STK4: variants seen among roughly 807,000 people sequenced by gnomAD.
STK4 encodes serine/threonine-protein kinase 4.
STK4 carries 30 observed loss-of-function variants against 64.9 expected under a neutral mutation model. The observed-to-expected ratio is 0.46, with a 90% CI of 0.35 to 0.63. The LOEUF (loss-of-function observed/expected upper bound fraction) is 0.63, where lower values mean the gene tolerates loss of function less well. Ranked by LOEUF, STK4 falls within the 20% of genes least tolerant of loss-of-function variation. The probability of loss-of-function intolerance (pLI) is 0.01; values close to 1 mark genes in which losing one functional copy is unlikely to be tolerated. For synonymous variants in STK4, 177 were observed against 199.0 expected (o/e 0.89, Z 0.93); for missense variants, 466 against 598.5 (o/e 0.78, Z 2.31).
intron 10 of STK4, among the ~76,000 whole-genome samples, chr20:45,058,115 T>C (rs971875848): frequency 1.3e-5 from 2 of 152,030 alleles, no homozygotes; most frequent in African/African-American, 4.8e-5. Flanking sequence ...ACCTATTTTA[T>C]GTTTTTGACA....
At chr20:44,971,661 A>C (rs2067247681) in intron 1 of STK4, among the ~76,000 whole-genome samples, 1 of 142,794 alleles carries the variant, frequency 7.0e-6, no homozygotes, top group Non-Finnish European at 1.5e-5. Flanking sequence ...TTTCAGCCAC[A>C]TGACTTTTTT....
chr20:44,973,517 A>G (rs577460961), intron 2 of STK4: 10 of 152,360 alleles, frequency 6.6e-5, no homozygotes, highest in African/African-American at 2.2e-4. Flanking sequence ...TCCCTAAGGC[A>G]GCAAGGCTGT....
chr20:44,988,533 G>GTGTGTATATATATATATA (rs1221720136), intron 5 of STK4, among the ~76,000 whole-genome samples: 7 of 101,574 alleles, frequency 6.9e-5, no homozygotes, highest in African/African-American at 2.4e-4. Context: ...ATGTGTGTGT[G>GTGTGTATATATATATATA]TATATATATA....
At chr20:45,036,006 A>G (rs1285148165) in intron 10 of STK4, among the ~76,000 whole-genome samples, 1 of 152,190 alleles carries the variant, frequency 6.6e-6, no homozygotes, top group Non-Finnish European at 1.5e-5. Flanking sequence ...GCTTAATAGG[A>G]AGAATAAGTT....
intron 9 of STK4, among the ~76,000 whole-genome samples, chr20:45,012,644 C>T (rs1054378448): frequency 6.6e-6 from 1 of 152,032 alleles, no homozygotes; most frequent in African/African-American, 2.4e-5. Context: ...CTTCTATAGA[C>T]AACTACTGTA....
rs1294057819 is a variant in STK4, at chr20:45,075,901, T to G, written c.*725T>G. 6.5e-6 allele frequency: 1 copy of G among 152,724 alleles called. No individual in the cohort carries two copies. The highest frequency in any genetic ancestry group is 1.9e-4 in the East Asian group (1 of 5,194). 9.5% of individuals were successfully genotyped at this position (152,724 alleles called of 1,614,324 possible). A position where few individuals can be genotyped will look rare whatever the true frequency, so the allele number is the denominator to read the frequency against. On this transcript the variant is annotated 3_prime_UTR_variant, in exon 11 of 11. Coordinates refer to ENST00000372806, the MANE Select transcript of STK4 (RefSeq NM_006282.5). Reference sequence around the variant, plus strand: ...GGCACCCTCTTTGCAAATTGGCCTTTGCTCTTTCAATGCCTTTCATCCATC... The same window carrying G: ...GGCACCCTCTTTGCAAATTGGCCTTGGCTCTTTCAATGCCTTTCATCCATC...
intron 7 of STK4, 38 bp downstream of exon 7, chr20:44,997,344 A>G: frequency 6.5e-7 from 1 of 1,547,604 alleles, no homozygotes; most frequent in Middle Eastern, 1.7e-4. Context: ...GCTCCATTTC[A>G]TTTACTTGCT....
chr20:45,050,700 G>C (rs142719770), intron 10 of STK4, among the ~76,000 whole-genome samples: 1 of 152,188 alleles, frequency 6.6e-6, no homozygotes, highest in African/African-American at 2.4e-5. Flanking sequence ...TATTCTGCTA[G>C]AATATCTTTT....
intron 10 of STK4, among the ~76,000 whole-genome samples, chr20:45,038,950 A>G (rs2068569817): frequency 6.6e-6 from 1 of 152,044 alleles, no homozygotes; most frequent in East Asian, 1.9e-4. Context: ...TCTGTTTTGC[A>G]TTCAGTCTGT....
rs143539025 is a variant in STK4, at chr20:44,997,652, G to A, written c.831+346G>A. Among the ~76,000 whole-genome samples the A allele has an allele frequency of 5.8e-4, 89 of 152,350 alleles. 4 individuals carry two copies. The East Asian group carries it at 0.016, about 27-fold the overall frequency. Reference sequence around the variant, plus strand: ...GTTGAGGCCGCAGTGAGGCATGATTGTGCTGCTACATTCCAGCCTGAGCAA... The same window carrying A: ...GTTGAGGCCGCAGTGAGGCATGATTATGCTGCTACATTCCAGCCTGAGCAA... On this transcript the variant is annotated intron_variant, in intron 7 of 10. Coordinates refer to ENST00000372806, the MANE Select transcript of STK4 (RefSeq NM_006282.5).
In STK4 at chr20:45,078,700, AATAG is replaced by A. The variant is rs1043643201; in HGVS notation, c.*3530_*3533del. 2.6e-5 allele frequency: 4 copies of A among 152,142 alleles called. No individual in the cohort carries two copies. The highest frequency in any genetic ancestry group is 7.2e-5 in the African/African-American group (3 of 41,428). 9.4% of individuals were successfully genotyped at this position (152,142 alleles called of 1,614,324 possible). ...GAGTGGATCGATGGATGTATTGATA[AATAG>A]ATAGAACCAGTCATCTGAAGCAACT... On this transcript the variant is annotated 3_prime_UTR_variant, in exon 11 of 11. Coordinates refer to ENST00000372806, the MANE Select transcript of STK4 (RefSeq NM_006282.5).
intron 1 of STK4, among the ~76,000 whole-genome samples, chr20:44,970,184 C>T (rs1202560385): frequency 6.6e-6 from 1 of 151,620 alleles, no homozygotes; most frequent in African/African-American, 2.4e-5. Context: ...ACATATGTAA[C>T]TAACCTGCAC....
chr20:44,993,807 T>C (rs1402551152), intron 5 of STK4, among the ~76,000 whole-genome samples: 2 of 152,194 alleles, frequency 1.3e-5, no homozygotes, highest in African/African-American at 4.8e-5. Context: ...GGCGAGACCT[T>C]GTCTCTACTA....
chr20:45,009,034 G>T (rs1394122469), intron 9 of STK4, among the ~76,000 whole-genome samples: 1 of 152,044 alleles, frequency 6.6e-6, no homozygotes, highest in African/African-American at 2.4e-5. Context: ...AAGCTCTTTA[G>T]TTTAATTAGG....
At chr20:45,073,611 CTG>C (rs906547462) in intron 10 of STK4, among the ~76,000 whole-genome samples, 17 of 152,210 alleles carry the variant, frequency 1.1e-4, no homozygotes, top group Non-Finnish European at 2.2e-4. Flanking sequence ...TCTTGAAACA[CTG>C]TACCTATTAA....
Position 45,076,041 on chromosome 20 carries a change from G to A in STK4, c.*865G>A, listed in dbSNP as rs1265971234. On this transcript the variant is annotated 3_prime_UTR_variant, in exon 11 of 11. Coordinates refer to ENST00000372806, the MANE Select transcript of STK4 (RefSeq NM_006282.5). The surrounding 1 kb of genome is among the most constrained non-coding windows in gnomAD (Gnocchi z 4.0). ...CACGGGACTGTGTTCAGTCCACAAA[G>A]GAAAAGCGTTTTTGAAGCTCTCATT... is the stretch of plus-strand genomic sequence containing the variant. The A allele has an allele frequency of 6.6e-6, 1 of 152,648 alleles. No homozygotes were observed. The highest frequency in any genetic ancestry group is 2.4e-5 in the African/African-American group (1 of 41,438). 9.5% of individuals were successfully genotyped at this position (152,648 alleles called of 1,614,324 possible). A position where few individuals can be genotyped will look rare whatever the true frequency, so the allele number is the denominator to read the frequency against.
In STK4 at chr20:45,070,351, G is replaced by A. The variant is rs1381541320; in HGVS notation, c.1306-4667G>A. ...GGCAGCCTGGACCAAGGTAGATGGA[G>A]ATGGAAAAAAGTGGTTGGGTTTGAG... On this transcript the variant is annotated intron_variant, in intron 10 of 10. Transcript: ENST00000372806. Among the ~76,000 whole-genome samples, 4 of 152,160 alleles carry A rather than the reference G, an allele frequency of 2.6e-5. No homozygotes were observed. In the East Asian group the frequency reaches 7.7e-4, roughly 29 times the overall value.
chr20:45,014,671 GCCACTTGCAGTAACATGTACTCAT>G (rs1369071352), intron 9 of STK4, among the ~76,000 whole-genome samples: 12 of 152,110 alleles, frequency 7.9e-5, no homozygotes, highest in Non-Finnish European at 1.8e-4. Flanking sequence ...CCAAAGGATG[GCCACTTGCAGTAACATGTACTCAT>G]CCACTAAAGA....
intron 10 of STK4, among the ~76,000 whole-genome samples, chr20:45,068,338 A>G (rs1407999774): frequency 2.6e-5 from 4 of 152,200 alleles, no homozygotes; most frequent in Admixed American, 6.5e-5. Flanking sequence ...GTAGCTGCCA[A>G]TAAAATTGAT....
Sources: allele counts gnomAD v4.1 joint callset (sites outside exome capture counted in the v4.1 genomes callset), GRCh38; gene constraint gnomAD v4.1.1; non-coding constraint Gnocchi (gnomAD v3.1); transcripts MANE v1.5; gene names NCBI Gene and HGNC (gene_info 2026-07-23, HGNC 2026-07-21).